DDX27: variants seen among roughly 807,000 people sequenced by gnomAD.
DDX27 encodes the protein DEAD-box helicase 27.
In DDX27, 42 loss-of-function variants were observed where a neutral mutation model predicts 99.3. That is an observed-to-expected ratio of 0.42 (90% CI 0.33 to 0.55). The LOEUF (loss-of-function observed/expected upper bound fraction) is 0.55, where lower values mean the gene tolerates loss of function less well. Among genes scored for constraint, DDX27 ranks in the 20% least tolerant of loss-of-function variants. The probability of loss-of-function intolerance (pLI) is 0.07; values close to 1 mark genes in which losing one functional copy is unlikely to be tolerated. For synonymous variants in DDX27, 329 were observed against 353.8 expected, an observed-to-expected ratio of 0.93 and a Z score of 0.79; for missense variants, 798 against 976.8, an observed-to-expected ratio of 0.82 and a Z score of 2.44.
chr20:49,227,838 A>ATTTT (rs35354294), intron 7 of DDX27, among the ~76,000 whole-genome samples: 1 of 125,824 alleles, frequency 7.9e-6, no homozygotes, highest in African/African-American at 2.9e-5. Context: ...AGAGGAGGAA[A>ATTTT]TTTTTTTTTT....
chr20:49,231,882 T>C (rs238173), intron 9 of DDX27, among the ~76,000 whole-genome samples: 3,776 of 109,398 alleles, frequency 0.035, 164 homozygotes, highest in African/African-American at 0.1. Flanking sequence ...GGCCTTTTCG[T>C]TCCTTTTTTT....
At chr20:49,229,207 T>G (rs184851026) in intron 8 of DDX27, among the ~76,000 whole-genome samples, 1 of 151,936 alleles carries the variant, frequency 6.6e-6, no homozygotes, top group Non-Finnish European at 1.5e-5. Context: ...ATTTTTTGTA[T>G]TTTTAGTAGA....
chr20:49,226,092 C>T (rs972008609), intron 6 of DDX27, among the ~76,000 whole-genome samples: 4 of 152,150 alleles, frequency 2.6e-5, no homozygotes, highest in Non-Finnish European at 5.9e-5. Context: ...TGAGACCTTC[C>T]CTGGCAGCCC....
chr20:49,241,669 A>G (rs1181992160), intron 16 of DDX27: 5 of 604,476 alleles, frequency 8.3e-6, no homozygotes, highest in African/African-American at 7.5e-5. Context: ...GGGTTTCACC[A>G]TGTTGGCCAT....
chr20:49,235,142 A>T, intron 12 of DDX27, 54 bp downstream of exon 12: 7 of 1,526,692 alleles, frequency 4.6e-6, no homozygotes, highest in Non-Finnish European at 6.2e-6. Flanking sequence ...GGCAGAGAGG[A>T]TAGAAGGAAG....
chr20:49,241,566 A>G (rs1204661221), intron 16 of DDX27, among the ~76,000 whole-genome samples: 2 of 151,364 alleles, frequency 1.3e-5, no homozygotes, highest in African/African-American at 2.4e-5. Flanking sequence ...TCCCCTTCCT[A>G]AGTTCAAGCA....
At chr20:49,222,193 C>T (rs1343076136) in intron 2 of DDX27, among the ~76,000 whole-genome samples, 12 of 151,910 alleles carry the variant, frequency 7.9e-5, no homozygotes, top group Admixed American at 6.6e-4. Context: ...AGTGTAATGG[C>T]GCCATCTCAG....
At chr20:49,220,177 C>A (rs1023416384) in intron 1 of DDX27, among the ~76,000 whole-genome samples, 1 of 152,162 alleles carries the variant, frequency 6.6e-6, no homozygotes, top group African/African-American at 2.4e-5. Flanking sequence ...TCAACTCCTC[C>A]AAAGATGAAC....
chr20:49,233,811 C>A, intron 11 of DDX27, 102 bp downstream of exon 11: 1 of 1,326,948 alleles, frequency 7.5e-7, no homozygotes, highest in Non-Finnish European at 1.0e-6. Flanking sequence ...CTCTGCCGTC[C>A]AGTCTTCCCC....
chr20:49,230,400 A>G, intron 9 of DDX27, 51 bp downstream of exon 9: 4 of 1,565,070 alleles, frequency 2.6e-6, no homozygotes, highest in Non-Finnish European at 3.4e-6. Flanking sequence ...CAAGGCCCAG[A>G]ACCTGGATGT....
At chr20:49,227,262 A>G (rs1343254615) in intron 7 of DDX27, among the ~76,000 whole-genome samples, 1 of 152,224 alleles carries the variant, frequency 6.6e-6, no homozygotes, top group Non-Finnish European at 1.5e-5. Context: ...CGAATCCTTC[A>G]TCAATGGTGA....
intron 7 of DDX27, among the ~76,000 whole-genome samples, chr20:49,228,503 C>T (rs767990920): frequency 6.6e-6 from 1 of 152,158 alleles, no homozygotes; most frequent in Non-Finnish European, 1.5e-5. Flanking sequence ...GAACTCCTGA[C>T]CTCAGGTGAT....
rs749215203 is a variant in DDX27, at chr20:49,233,368, G to T, written c.1094G>T (p.Arg365Leu). Residue 365 changes from arginine to leucine, a missense_variant, in exon 10 of 21, where the codon CGC (arginine) becomes CTC (leucine). Coordinates refer to ENST00000618172, the MANE Select transcript of DDX27 (RefSeq NM_017895.8). ...KEIIRMCSHH[R>L]QTMLFSATMT... ...ATCATCCGAATGTGTTCCCACCACC[G>T]CCAGACCATGCTCTTCTCGGCCACC... The T allele has an allele frequency of 1.9e-6, 3 of 1,613,982 alleles. No homozygotes were observed. The highest frequency in any genetic ancestry group is 1.1e-5 in the South Asian group (1 of 91,084).
chr20:49,239,437 A>C (rs1039174148), intron 16 of DDX27, 99 bp downstream of exon 16: 3 of 843,478 alleles, frequency 3.6e-6, no homozygotes, highest in Admixed American at 2.8e-5. Context: ...AGCGGTCCCC[A>C]ACCTTTCGGC....
intron 18 of DDX27, among the ~76,000 whole-genome samples, 190 bp from the exon 19 acceptor site, chr20:49,242,404 C>T (rs777941562): frequency 4.6e-5 from 7 of 152,126 alleles, no homozygotes; most frequent in East Asian, 1.9e-4. Context: ...AGGATTTGAA[C>T]GCCAGCTTTT....
intron 2 of DDX27, 109 bp from the exon 3 acceptor site, chr20:49,222,848 T>A (rs1189842939): frequency 2.4e-6 from 2 of 841,368 alleles, no homozygotes; most frequent in Admixed American, 6.3e-5. Flanking sequence ...ATATGTATTT[T>A]CAGAGAAGGC....
At chr20:49,234,021 C>A in intron 11 of DDX27, 1 of 306,530 alleles carries the variant, frequency 3.3e-6, no homozygotes, top group Non-Finnish European at 6.2e-6. Context: ...CTTGCTCGAG[C>A]TCCCTGCTTC....
At chr20:49,243,748 A>T (rs1476294749) in intron 20 of DDX27, 45 bp downstream of exon 20, 1 of 1,613,668 alleles carries the variant, frequency 6.2e-7, no homozygotes, top group South Asian at 1.1e-5. Context: ...GGGATTAGAG[A>T]TAAAAACCTT....
At chr20:49,228,422 C>T (rs927657044) in intron 7 of DDX27, among the ~76,000 whole-genome samples, 34 of 151,962 alleles carry the variant, frequency 2.2e-4, no homozygotes, top group African/African-American at 8.2e-4. Flanking sequence ...AGGCTCCCGC[C>T]ACCATGCCCA....
Sources: allele counts gnomAD v4.1 joint callset (sites outside exome capture counted in the v4.1 genomes callset), GRCh38; gene constraint gnomAD v4.1.1; transcripts MANE v1.5; gene names NCBI Gene and HGNC (gene_info 2026-07-23, HGNC 2026-07-21).